Variants in CACNA2D4 observed in about 807,000 individuals in gnomAD.
CACNA2D4 encodes the protein calcium voltage-gated channel auxiliary subunit alpha2delta 4.
CACNA2D4 carries 157 observed loss-of-function variants against 163.8 expected under a neutral mutation model. The observed-to-expected ratio is 0.96, with a 90% CI of 0.84 to 1.09. The LOEUF (loss-of-function observed/expected upper bound fraction) is 1.09, where lower values mean the gene tolerates loss of function less well. Among genes scored for constraint, CACNA2D4 ranks in the 50% least tolerant of loss-of-function variants. CACNA2D4 has a pLI of 0.00. For missense variants in CACNA2D4, 1,410 were observed against 1,479.9 expected (o/e 0.95, Z 0.78); for synonymous variants, 598 against 586.9 (o/e 1.02, Z -0.27).
intron 26 of CACNA2D4, among the ~76,000 whole-genome samples, chr12:1,831,764 C>T (rs1864643477): frequency 6.6e-6 from 1 of 150,744 alleles, no homozygotes; most frequent in Non-Finnish European, 1.5e-5. Flanking sequence ...CCCTCCCCTC[C>T]CTGCTCTGCA....
intron 9 of CACNA2D4, among the ~76,000 whole-genome samples, chr12:1,885,527 A>G (rs979074504): frequency 6.6e-6 from 1 of 152,198 alleles, no homozygotes; most frequent in Non-Finnish European, 1.5e-5. Flanking sequence ...ATGATGTGCA[A>G]AAGCTCTCTT....
chr12:1,910,314 C>T (rs1194013722), intron 3 of CACNA2D4, among the ~76,000 whole-genome samples: 1 of 152,198 alleles, frequency 6.6e-6, no homozygotes, highest in Non-Finnish European at 1.5e-5. Flanking sequence ...ATTCTTTTGT[C>T]TGATACTGTA....
Position 1,802,843 on chromosome 12 carries a change from A to G in CACNA2D4, c.2722-1199T>C, listed in dbSNP as rs1457715687. ...CAGCCAGAACAAGGCCTTCCTCTGCACACCGGCAGCCTGTGGAGTCCTAGT... is the reference window on the plus strand; with the variant it reads ...CAGCCAGAACAAGGCCTTCCTCTGCGCACCGGCAGCCTGTGGAGTCCTAGT... On this transcript the variant is annotated intron_variant, in intron 29 of 37. Transcript: ENST00000382722. The surrounding 1 kb of genome is among the most constrained non-coding windows in gnomAD (Gnocchi z 4.7). 2.0e-5 allele frequency among the ~76,000 whole-genome samples: 3 copies of G among 152,188 alleles called. No homozygotes were observed. The highest frequency in any genetic ancestry group is 4.4e-5 in the Non-Finnish European group (3 of 68,040).
chr12:1,898,985 T>A (rs1222597470), intron 6 of CACNA2D4, among the ~76,000 whole-genome samples: 8 of 151,640 alleles, frequency 5.3e-5, no homozygotes, highest in African/African-American at 1.5e-4. Context: ...ATAAAAAGAG[T>A]TTTGGAGATG....
intron 26 of CACNA2D4, among the ~76,000 whole-genome samples, chr12:1,819,064 G>C (rs901815067): frequency 1.1e-4 from 16 of 152,078 alleles, no homozygotes; most frequent in African/African-American, 3.6e-4. Context: ...ACAACATGAG[G>C]GTGGCCCAAA....
At chr12:1,864,214 G>C (rs1046101530) in intron 18 of CACNA2D4, among the ~76,000 whole-genome samples, 1 of 152,198 alleles carries the variant, frequency 6.6e-6, no homozygotes. Flanking sequence ...GAAGGCCGGA[G>C]ACTCTCCCTT....
chr12:1,872,719 TCGG>T (rs1865811275), intron 18 of CACNA2D4, among the ~76,000 whole-genome samples: 2 of 151,992 alleles, frequency 1.3e-5, no homozygotes, highest in Admixed American at 6.5e-5. Flanking sequence ...AGACACTGCC[TCGG>T]CGGCCCCACA....
chr12:1,828,096 A>G lies in CACNA2D4; in HGVS notation c.2551+12643T>C. On this transcript the variant is annotated intron_variant, in intron 26 of 37. Coordinates refer to ENST00000382722, the MANE Select transcript of CACNA2D4 (RefSeq NM_172364.5). This position sits in a 1 kb window ranked among gnomAD's most constrained non-coding sequence, Gnocchi z 4.2. ...CTCAGGACTGACAGGCGGCGCACCC[A>G]GGGGCTCCTCTCTCCCCAGAGCGAC... The G allele has an allele frequency of 1.4e-6, 2 of 1,461,542 alleles. No homozygotes were observed. The highest frequency in any genetic ancestry group is 1.8e-6 in the Non-Finnish European group (2 of 1,100,490). The allele number at this position is 1,461,542 out of a possible 1,614,324, so 90.5% of individuals were successfully genotyped here. A position where few individuals can be genotyped will look rare whatever the true frequency, so the allele number is the denominator to read the frequency against.
At position 1,795,722 on chromosome 12, in the gene CACNA2D4, T is replaced by G. The variant is rs1592643967; in HGVS notation, c.3172A>C (p.Thr1058Pro). 1 of 1,613,110 alleles carries G rather than the reference T, an allele frequency of 6.2e-7. No homozygotes were observed. The highest frequency in any genetic ancestry group is 8.5e-7 in the Non-Finnish European group (1 of 1,179,586). Residue 1058 changes from threonine to proline, a missense_variant, in exon 36 of 38, where the codon ACC becomes CCC. Physicochemically the swap from Thr to Pro is conservative, Grantham distance 38 (BLOSUM62 -1). Transcript: ENST00000382722. Reference protein sequence around the residue: ...SNLLLLVTDPTCDCSIFPPVL... With the variant: ...SNLLLLVTDPPCDCSIFPPVL... Reference sequence around the variant, plus strand: ...GGTGGGAAGATGCTGCAGTCACAGGTGGGGTCTGTCACCAGGAGGAGGAGG... The same window carrying G: ...GGTGGGAAGATGCTGCAGTCACAGGGGGGGTCTGTCACCAGGAGGAGGAGG...
Position 1,802,015 on chromosome 12 carries a change from CTGTGTGTGTGTGTGTGTGTGTGTGTG to C in CACNA2D4, c.2722-397_2722-372del, listed in dbSNP as rs60739615. Reference sequence around the variant, plus strand: ...TATGAAACTGGATTTGTTTTATATGCTGTGTGTGTGTGTGTGTGTGTGTGTGTGTGTGTGTGTGTGTGTGTTGGGTC... The same window carrying C: ...TATGAAACTGGATTTGTTTTATATGCTGTGTGTGTGTGTGTGTGTTGGGTC... On this transcript the variant is annotated intron_variant, in intron 29 of 37. Coordinates refer to ENST00000382722, the MANE Select transcript of CACNA2D4 (RefSeq NM_172364.5). This position sits in a 1 kb window ranked among gnomAD's most constrained non-coding sequence, Gnocchi z 4.7. Among the ~76,000 whole-genome samples the C allele has an allele frequency of 6.9e-6, 1 of 144,168 alleles. No individual in the cohort carries two copies. The highest frequency in any genetic ancestry group is 1.5e-5 in the Non-Finnish European group (1 of 65,926). 94.6% of individuals were successfully genotyped at this position (144,168 alleles called of 152,430 possible). A position where few individuals can be genotyped will look rare whatever the true frequency, so the allele number is the denominator to read the frequency against.
chr12:1,863,636 C>T (rs1231491251), intron 18 of CACNA2D4, among the ~76,000 whole-genome samples: 2 of 152,064 alleles, frequency 1.3e-5, no homozygotes, highest in South Asian at 2.1e-4. Flanking sequence ...GTCATATATA[C>T]GTTTGTTAAA....
rs78027017 is a variant in CACNA2D4 at position 1,875,883 on chromosome 12, A to G, written c.1720-546T>C. 3.2e-3 allele frequency among the ~76,000 whole-genome samples: 489 copies of G among 152,140 alleles called. 1 individual carries two copies. Among genetic ancestry groups the G allele is most frequent in the African/African-American group, 0.012 (478 of 41,498 alleles). ...AATGGAGTTCCCAGGACAAAAGCCA[A>G]CCTTCCAAATGGGGTCTGACCAGTG... On this transcript the variant is annotated intron_variant, in intron 16 of 37. Coordinates refer to ENST00000382722, the MANE Select transcript of CACNA2D4 (RefSeq NM_172364.5). The surrounding 1 kb of genome is among the most constrained non-coding windows in gnomAD (Gnocchi z 4.0).
chr12:1,818,310 T>C (rs369403692), intron 26 of CACNA2D4, among the ~76,000 whole-genome samples: 12,953 of 151,628 alleles, frequency 0.085, 789 homozygotes, highest in Non-Finnish European at 0.13. Flanking sequence ...ATGACAATGG[T>C]GGCTTTGTGG....
rs768484301 is a variant in CACNA2D4, at chr12:1,883,032, G to T, written c.1352-32C>A. On this transcript the variant is annotated intron_variant, in intron 12 of 37. Coordinates refer to ENST00000382722, the MANE Select transcript of CACNA2D4 (RefSeq NM_172364.5). The surrounding 1 kb of genome is among the most constrained non-coding windows in gnomAD (Gnocchi z 4.5). The stretch of plus-strand genomic sequence containing the variant: ...TGGGGAAGGCCGCGTGGGTGTGGAA[G>T]GCAGGGCTTCCCTGGGAACCCCTCG... 6.2e-7 allele frequency: 1 copy of T among 1,601,378 alleles called. No homozygotes were observed. Among genetic ancestry groups the T allele is most frequent in the South Asian group, 1.1e-5 (1 of 88,920 alleles).
chr12:1,811,873 C>G, intron 26 of CACNA2D4, 150 bp from the exon 27 acceptor site: 11 of 617,774 alleles, frequency 1.8e-5, no homozygotes, highest in Non-Finnish European at 1.7e-5. Flanking sequence ...AGAGTGCAAA[C>G]TGGGGTTTCT....
rs771055188 is a variant in CACNA2D4, at chr12:1,886,204, A to G, written c.993+19T>C. ...CTAGAGCAAGTGAGAGCTATTCTAG[A>G]ACAGGAAGGCACATTTACCGCTATG... On this transcript the variant is annotated intron_variant, in intron 8 of 37. Transcript: ENST00000382722. 1.2e-6 allele frequency: 2 copies of G among 1,611,228 alleles called. No homozygotes were observed. The highest frequency in any genetic ancestry group is 2.2e-5 in the South Asian group (2 of 90,998).
intron 18 of CACNA2D4, among the ~76,000 whole-genome samples, chr12:1,861,130 T>C (rs1329204632): frequency 6.6e-6 from 1 of 152,246 alleles, no homozygotes; most frequent in African/African-American, 2.4e-5. Context: ...TACTTCTTTC[T>C]GACTTTCCTT....
intron 26 of CACNA2D4, among the ~76,000 whole-genome samples, chr12:1,818,775 A>G (rs1863975182): frequency 7.0e-6 from 1 of 143,768 alleles, no homozygotes; most frequent in South Asian, 2.3e-4. Flanking sequence ...AATAAAAAAT[A>G]AATAAATAAA....
intron 18 of CACNA2D4, among the ~76,000 whole-genome samples, chr12:1,871,505 T>C (rs998916979): frequency 6.6e-6 from 1 of 150,726 alleles, no homozygotes; most frequent in Non-Finnish European, 1.5e-5. Flanking sequence ...ATGTGTGTGT[T>C]GCTGGTGTGT....
Sources: allele counts gnomAD v4.1 joint callset (sites outside exome capture counted in the v4.1 genomes callset), GRCh38; gene constraint gnomAD v4.1.1; non-coding constraint Gnocchi (gnomAD v3.1); transcripts MANE v1.5; gene names NCBI Gene and HGNC (gene_info 2026-07-23, HGNC 2026-07-21).